UBE2V2: variants seen among roughly 807,000 people sequenced by gnomAD.
UBE2V2 encodes the protein ubiquitin conjugating enzyme E2 V2, also known as ubiquitin-conjugating enzyme E2 variant 2.
A neutral mutation model predicts 17.2 loss-of-function variants in UBE2V2; 9 were observed. That is an observed-to-expected ratio of 0.52 (90% CI 0.32 to 0.91). The LOEUF is 0.91. Ranked by LOEUF, UBE2V2 falls within the 40% of genes least tolerant of loss-of-function variation. The probability of loss-of-function intolerance (pLI) is 0.04; values close to 1 mark genes in which losing one functional copy is unlikely to be tolerated. For synonymous variants in UBE2V2, 61 were observed against 57.5 expected (o/e 1.06, Z -0.28); for missense variants, 133 against 182.6 (o/e 0.73, Z 1.56).
At chr8:48,051,134 A>T (rs1176279631) in intron 3 of UBE2V2, among the ~76,000 whole-genome samples, 1 of 152,210 alleles carries the variant, frequency 6.6e-6, no homozygotes, top group Admixed American at 6.5e-5. Flanking sequence ...GGCGTGAGCC[A>T]CTGTGTCCAG....
intron 1 of UBE2V2, among the ~76,000 whole-genome samples, chr8:48,029,600 A>G (rs539237361): frequency 2.6e-5 from 4 of 152,142 alleles, no homozygotes; most frequent in Non-Finnish European, 5.9e-5. Context: ...AGGTTTTTCA[A>G]TTTATGGATT....
chr8:48,039,310 T>G (rs2091445927), intron 1 of UBE2V2, among the ~76,000 whole-genome samples: 1 of 152,228 alleles, frequency 6.6e-6, no homozygotes, highest in Non-Finnish European at 1.5e-5. Context: ...CAGTTTATTC[T>G]AATCTCAGCA....
At chr8:48,033,872 G>T (rs776108993) in intron 1 of UBE2V2, among the ~76,000 whole-genome samples, 1 of 152,030 alleles carries the variant, frequency 6.6e-6, no homozygotes, top group Admixed American at 6.6e-5. Context: ...TGGGAGGATC[G>T]CTTGAGCCTA....
chr8:48,047,399 T>G (rs531498027), intron 2 of UBE2V2, among the ~76,000 whole-genome samples: 1 of 152,316 alleles, frequency 6.6e-6, no homozygotes, highest in South Asian at 2.1e-4. Context: ...GAAGGTACTG[T>G]CCCCATCTTT....
chr8:48,013,122 G>T (rs1245811503), intron 1 of UBE2V2, among the ~76,000 whole-genome samples: 1 of 152,038 alleles, frequency 6.6e-6, no homozygotes, highest in Non-Finnish European at 1.5e-5. Flanking sequence ...TGGGATCACT[G>T]GTGTGAGCCA....
intron 1 of UBE2V2, among the ~76,000 whole-genome samples, chr8:48,015,174 T>TC (rs1318497116): frequency 6.6e-6 from 1 of 151,550 alleles, no homozygotes; most frequent in Non-Finnish European, 1.5e-5. Flanking sequence ...GCCTAGGAGT[T>TC]CAAGACCAGC....
chr8:48,055,198 TCC>T (rs2091563794), intron 3 of UBE2V2, among the ~76,000 whole-genome samples: 1 of 143,914 alleles, frequency 6.9e-6, no homozygotes, highest in African/African-American at 2.9e-5. Flanking sequence ...TAGTTTCTTT[TCC>T]TTTTTTTTTT....
In UBE2V2 at chr8:48,061,322, G is replaced by C. The variant is rs934571714; in HGVS notation, c.*494G>C. The C allele has an allele frequency of 5.2e-5, 8 of 152,560 alleles. No individual in the cohort carries two copies. Among genetic ancestry groups the C allele is most frequent in the African/African-American group, 1.7e-4 (7 of 41,430 alleles). 9.5% of individuals were successfully genotyped at this position (152,560 alleles called of 1,614,324 possible). On this transcript the variant is annotated 3_prime_UTR_variant, in exon 4 of 4. Transcript: ENST00000523111. ...TGACTACTAGTAGTATCAAAAATAT[G>C]TTCAGGATTGTTTTGATACCTGTAT...
intron 1 of UBE2V2, among the ~76,000 whole-genome samples, chr8:48,024,249 T>C (rs777977119): frequency 2.6e-5 from 4 of 152,142 alleles, no homozygotes; most frequent in Non-Finnish European, 4.4e-5. Flanking sequence ...AGATATGAAA[T>C]GGCTTTTGCA....
intron 1 of UBE2V2, among the ~76,000 whole-genome samples, chr8:48,009,176 C>T (rs1294857281): frequency 1.3e-5 from 2 of 151,972 alleles, no homozygotes; most frequent in Non-Finnish European, 2.9e-5. Flanking sequence ...AGGTTTTAGA[C>T]ATTAGACCAT....
At chr8:48,041,998 G>T in intron 1 of UBE2V2, 1 of 152,196 alleles carries the variant, frequency 6.6e-6, no homozygotes. Context: ...CCTCCATGTT[G>T]GTCAGGCTGG....
the UBE2V2 span, among the ~76,000 whole-genome samples, chr8:48,002,494 G>A: frequency 8.5e-5 from 13 of 152,186 alleles, no homozygotes; most frequent in Non-Finnish European, 1.2e-4. Flanking sequence ...CAACTCAAAA[G>A]TAAGGAATGG....
intron 1 of UBE2V2, chr8:48,035,089 G>A (rs1563854396): frequency 1.0e-6 from 1 of 977,906 alleles, no homozygotes; most frequent in Non-Finnish European, 1.2e-6. Context: ...CCTTAGCATT[G>A]CTGCTTCCCT....
intron 1 of UBE2V2, among the ~76,000 whole-genome samples, chr8:48,040,865 T>TG (rs1481456775): frequency 9.6e-4 from 135 of 140,598 alleles, no homozygotes; most frequent in Non-Finnish European, 1.5e-3. Flanking sequence ...TTTTTTTTTT[T>TG]TGTGTGTGTG....
At chr8:48,040,306 C>A (rs1271841138) in intron 1 of UBE2V2, among the ~76,000 whole-genome samples, 1 of 152,062 alleles carries the variant, frequency 6.6e-6, no homozygotes, top group East Asian at 1.9e-4. Flanking sequence ...ATAGAATTAT[C>A]AAAATCAGGA....
At chr8:48,054,480 G>A (rs967761428) in intron 3 of UBE2V2, among the ~76,000 whole-genome samples, 3 of 152,192 alleles carry the variant, frequency 2.0e-5, no homozygotes. Flanking sequence ...TTATTGGAGT[G>A]TAGATGTGTG....
At chr8:48,017,047 T>G (rs2154506839) in intron 1 of UBE2V2, among the ~76,000 whole-genome samples, 1 of 152,260 alleles carries the variant, frequency 6.6e-6, no homozygotes, top group Non-Finnish European at 1.5e-5. Context: ...TGCCTTGGCC[T>G]CCCAAAGTGC....
intron 3 of UBE2V2, among the ~76,000 whole-genome samples, chr8:48,051,652 A>C (rs2154507995): frequency 6.6e-6 from 1 of 152,248 alleles, no homozygotes; most frequent in South Asian, 2.1e-4. Context: ...TTATTTGCTC[A>C]ATTTCCCCTT....
the UBE2V2 span, among the ~76,000 whole-genome samples, chr8:48,000,233 C>A: frequency 6.6e-6 from 1 of 152,122 alleles, no homozygotes; most frequent in Non-Finnish European, 1.5e-5. Context: ...ATTGTGCAAC[C>A]CTTGCTGACA....
Sources: gnomAD v4.1 joint callset for allele counts (sites outside exome capture counted in the v4.1 genomes callset) on GRCh38, gnomAD v4.1.1 for gene constraint, MANE v1.5 for transcripts, NCBI Gene and HGNC (gene_info 2026-07-23, HGNC 2026-07-21) for gene names.